Variants in JAG1 observed in about 807,000 individuals in gnomAD.
JAG1 encodes the protein jagged canonical Notch ligand 1.
Under a neutral mutation model 148.7 loss-of-function variants are expected in JAG1, and 23 were observed. The observed-to-expected ratio is 0.15, with a 90% CI of 0.11 to 0.22. The LOEUF is 0.22. JAG1 is among the 10% of genes least tolerant of loss of function. The pLI, the probability that JAG1 is intolerant of heterozygous loss-of-function variation, is 1.00. For synonymous variants in JAG1, 572 were observed against 598.3 expected (o/e 0.96, Z 0.64); for missense variants, 1,054 against 1,611.2 (o/e 0.65, Z 5.92).
At position 10,638,822 on chromosome 20, in the gene JAG1, A is replaced by G. The variant is rs2067249843; in HGVS notation, c.*676T>C. On this transcript the variant is annotated 3_prime_UTR_variant, in exon 26 of 26. Transcript: ENST00000254958. ...AATTCTAAACACATACATATAAATAAAAAGGAATGATGTTTTAAGGCTCTT... is the reference window on the plus strand; with the variant it reads ...AATTCTAAACACATACATATAAATAGAAAGGAATGATGTTTTAAGGCTCTT... 1 of 152,872 alleles carries G rather than the reference A, an allele frequency of 6.5e-6. No homozygotes were observed. Among genetic ancestry groups the G allele is most frequent in the African/African-American group, 2.4e-5 (1 of 41,474 alleles). 9.5% of individuals were successfully genotyped at this position (152,872 alleles called of 1,614,324 possible).
At chr20:10,646,131 C>A in intron 14 of JAG1, 47 bp from the exon 15 acceptor site, 1 of 1,391,886 alleles carries the variant, frequency 7.2e-7, no homozygotes, top group Non-Finnish European at 1.0e-6. Context: ...ACTTGTGAAG[C>A]CATAGACAAG....
At position 10,640,440 on chromosome 20, in the gene JAG1, C is replaced by A. The variant is rs181604718; in HGVS notation, c.3199+343G>T. Among the ~76,000 whole-genome samples the A allele has an allele frequency of 8.5e-5, 13 of 152,382 alleles. No individual in the cohort carries two copies. In the East Asian group the frequency reaches 2.3e-3, roughly 27 times the overall value. On this transcript the variant is annotated intron_variant, in intron 25 of 25. Coordinates refer to ENST00000254958, the MANE Select transcript of JAG1 (RefSeq NM_000214.3). ...CGAGCCTCACAGAGCTCAGCAGTGG[C>A]TAGGCTGTCCCAGGACACCAAAATG...
chr20:10,666,898 C>T (rs1490460547), intron 2 of JAG1, among the ~76,000 whole-genome samples: 1 of 152,238 alleles, frequency 6.6e-6, no homozygotes, highest in Admixed American at 6.5e-5. Context: ...AGGTTCCCAG[C>T]AAGGCTGGGG....
At chr20:10,660,850 G>C (rs2067411808) in intron 3 of JAG1, among the ~76,000 whole-genome samples, 1 of 152,132 alleles carries the variant, frequency 6.6e-6, no homozygotes, top group Non-Finnish European at 1.5e-5. Flanking sequence ...ATGCCTCCCT[G>C]CAATCCCCAG....
intron 25 of JAG1, 59 bp from the exon 26 acceptor site, chr20:10,640,014 G>C: frequency 2.9e-6 from 4 of 1,361,590 alleles, no homozygotes; most frequent in Non-Finnish European, 4.1e-6. Flanking sequence ...AAGCATCATC[G>C]CAGGAACAAA....
rs1423968061 is a variant in JAG1 at position 10,673,096 on chromosome 20, G to C, written c.82-90C>G. ...GCGACTCCCTCCCACTCCCCGCCCC[G>C]ACGAGCCCTCCTCGCCGAGTGAAAA... On this transcript the variant is annotated intron_variant, in intron 1 of 25. Coordinates refer to ENST00000254958, the MANE Select transcript of JAG1 (RefSeq NM_000214.3). This position sits in a 1 kb window ranked among gnomAD's most constrained non-coding sequence, Gnocchi z 4.7. The C allele has an allele frequency of 8.5e-6, 10 of 1,181,832 alleles. No individual in the cohort carries two copies. In the African/African-American group the frequency reaches 1.5e-4, roughly 18 times the overall value. The allele number at this position is 1,181,832 out of a possible 1,614,324, so 73.2% of individuals were successfully genotyped here.
chr20:10,653,598 G>C (rs1321356083), intron 5 of JAG1, among the ~76,000 whole-genome samples: 1 of 149,280 alleles, frequency 6.7e-6, no homozygotes, highest in Non-Finnish European at 1.5e-5. Flanking sequence ...TGGAGGGTGG[G>C]GTGCGGGTGG....
In JAG1 at chr20:10,637,972, T is replaced by C. The variant is rs1196762028; in HGVS notation, c.*1526A>G. 1 of 152,672 alleles carries C rather than the reference T, an allele frequency of 6.5e-6. No homozygotes were observed. Among genetic ancestry groups the C allele is most frequent in the Non-Finnish European group, 1.5e-5 (1 of 68,040 alleles). The allele number at this position is 152,672 out of a possible 1,614,324, so 9.5% of individuals were successfully genotyped here. A position where few individuals can be genotyped will look rare whatever the true frequency, so the allele number is the denominator to read the frequency against. On this transcript the variant is annotated 3_prime_UTR_variant, in exon 26 of 26. Coordinates refer to ENST00000254958, the MANE Select transcript of JAG1 (RefSeq NM_000214.3). ...GTAAGCTCAGAAGAGGCCACACTGT[T>C]CCATGTTTTCATACAAAAAAATTTA... is the stretch of plus-strand genomic sequence containing the variant.
rs2067304759 is a variant in JAG1 at position 10,645,791 on chromosome 20, T to A, written c.1999+180A>T. On this transcript the variant is annotated intron_variant, in intron 15 of 25. Transcript: ENST00000254958. The surrounding 1 kb of genome is among the most constrained non-coding windows in gnomAD (Gnocchi z 6.1). Reference sequence around the variant, plus strand: ...GGTCCTCAGCAGAAGCTCCTCCCCATAAGCTATCATCAGGACTCATAAATG... The same window carrying A: ...GGTCCTCAGCAGAAGCTCCTCCCCAAAAGCTATCATCAGGACTCATAAATG... The A allele has an allele frequency of 1.5e-6, 1 of 650,522 alleles. No homozygotes were observed. The highest frequency in any genetic ancestry group is 2.7e-6 in the Non-Finnish European group (1 of 363,868). 40.3% of individuals were successfully genotyped at this position (650,522 alleles called of 1,614,324 possible).
At chr20:10,644,319 A>T in intron 19 of JAG1, 38 bp downstream of exon 19, 1 of 1,240,364 alleles carries the variant, frequency 8.1e-7, no homozygotes, top group Non-Finnish European at 1.2e-6. Context: ...CACACACGAT[A>T]GTGGATGAGT....
chr20:10,659,180 TAACA>T (rs2067397618), intron 3 of JAG1, among the ~76,000 whole-genome samples: 1 of 152,366 alleles, frequency 6.6e-6, no homozygotes, highest in South Asian at 2.1e-4. Context: ...TGTTTCCCAA[TAACA>T]CTGCCAACGT....
intron 5 of JAG1, among the ~76,000 whole-genome samples, chr20:10,653,404 A>G (rs960375062): frequency 2.7e-5 from 4 of 150,544 alleles, no homozygotes; most frequent in African/African-American, 9.8e-5. Context: ...AAGCAAAAAC[A>G]AAAACAAATA....
intron 24 of JAG1, 34 bp from the exon 25 acceptor site, chr20:10,640,967 G>T (rs1396539112): frequency 6.2e-7 from 1 of 1,613,216 alleles, no homozygotes; most frequent in East Asian, 2.2e-5. Flanking sequence ...GAGAGTCAGA[G>T]GAATACTCAA....
At chr20:10,646,697 G>A (rs891126929) in intron 14 of JAG1, among the ~76,000 whole-genome samples, 2 of 152,076 alleles carry the variant, frequency 1.3e-5, no homozygotes, top group Admixed American at 6.5e-5. Flanking sequence ...GCGCATGCCT[G>A]TAATCCCAGC....
Position 10,644,764 on chromosome 20 carries a change from C to T in JAG1, c.2344+99G>A, listed in dbSNP as rs548974757. 5.2e-5 allele frequency: 46 copies of T among 877,872 alleles called. No homozygotes were observed. In the East Asian group the frequency reaches 7.4e-4, roughly 14 times the overall value. 54.4% of individuals were successfully genotyped at this position (877,872 alleles called of 1,614,324 possible). ...CAGACCCAGGTGATACAAAAGCAGACATCAAACAGCTCTGCTTCTGGTTTC... is the reference window on the plus strand; with the variant it reads ...CAGACCCAGGTGATACAAAAGCAGATATCAAACAGCTCTGCTTCTGGTTTC... On this transcript the variant is annotated intron_variant, in intron 18 of 25. Coordinates refer to ENST00000254958, the MANE Select transcript of JAG1 (RefSeq NM_000214.3).
intron 2 of JAG1, among the ~76,000 whole-genome samples, chr20:10,670,981 C>G (rs2067491336): frequency 6.6e-6 from 1 of 152,236 alleles, no homozygotes; most frequent in South Asian, 2.1e-4. Flanking sequence ...GAGCAAGCCT[C>G]CTTGTTTTCA....
chr20:10,649,114 A>G lies in JAG1; in HGVS notation c.1349-7T>C. On this transcript the variant is annotated splice_polypyrimidine_tract_variant and splice_region_variant and intron_variant, in intron 10 of 25. Coordinates refer to ENST00000254958, the MANE Select transcript of JAG1 (RefSeq NM_000214.3). ...CCAAGGCAGTCATTAATATCTAAAA[A>G]ATAAATAAGTCATCATTTTAAAGAG... is the stretch of plus-strand genomic sequence containing the variant. 1 of 1,589,256 alleles carries G rather than the reference A, an allele frequency of 6.3e-7. No homozygotes were observed. Among genetic ancestry groups the G allele is most frequent in the Non-Finnish European group, 8.6e-7 (1 of 1,157,418 alleles).
chr20:10,650,942 C>T (rs535807950), intron 8 of JAG1: 4 of 160,298 alleles, frequency 2.5e-5, no homozygotes, highest in South Asian at 1.8e-4. Context: ...GCTGGAGTTC[C>T]GCAAGTGACA....
At position 10,673,331 on chromosome 20, in the gene JAG1, AG is replaced by A. The variant is rs2067511676; in HGVS notation, c.81+118del. ...AGCCCAGGTGCAGCCGCTCGGGCGC[AG>A]GGGCGAGGAGTCGGGCGCTCGAGGG... On this transcript the variant is annotated intron_variant, in intron 1 of 25. Coordinates refer to ENST00000254958, the MANE Select transcript of JAG1 (RefSeq NM_000214.3). The surrounding 1 kb of genome is among the most constrained non-coding windows in gnomAD (Gnocchi z 4.7). 1 of 780,620 alleles carries A rather than the reference AG, an allele frequency of 1.3e-6. No individual in the cohort carries two copies. Among genetic ancestry groups the A allele is most frequent in the Admixed American group, 3.1e-5 (1 of 32,340 alleles). The allele number at this position is 780,620 out of a possible 1,614,324, so 48.4% of individuals were successfully genotyped here.
Sources: gnomAD v4.1 joint callset for allele counts (sites outside exome capture counted in the v4.1 genomes callset) on GRCh38, gnomAD v4.1.1 for gene constraint, Gnocchi (gnomAD v3.1) non-coding constraint, MANE v1.5 for transcripts, NCBI Gene and HGNC (gene_info 2026-07-23, HGNC 2026-07-21) for gene names.